Variants in MSH4 observed in about 807,000 individuals in gnomAD.
MSH4 encodes the protein mutS protein homolog 4.
MSH4 carries 106 observed loss-of-function variants against 113.7 expected under a neutral mutation model. That is an observed-to-expected ratio of 0.93 (90% CI 0.80 to 1.10). The LOEUF (loss-of-function observed/expected upper bound fraction) is 1.10. Among genes scored for constraint, MSH4 ranks in the 50% least tolerant of loss-of-function variants. MSH4 has a pLI of 0.00. For missense variants in MSH4, 1,061 were observed against 1,093.7 expected (o/e 0.97, Z 0.42); for synonymous variants, 368 against 380.2 (o/e 0.97, Z 0.37).
At chr1:75,836,426 G>T (rs1467035408) in intron 7 of MSH4, among the ~76,000 whole-genome samples, 2 of 151,076 alleles carry the variant, frequency 1.3e-5, no homozygotes, top group South Asian at 4.2e-4. Flanking sequence ...AGCCTCCCAA[G>T]TAGCTGATAC....
chr1:75,810,404 AT>A (rs1650165103), intron 3 of MSH4, among the ~76,000 whole-genome samples: 1 of 117,562 alleles, frequency 8.5e-6, no homozygotes. Flanking sequence ...TGCTCGGGTA[AT>A]TTTTGTATTT....
intron 4 of MSH4, 143 bp from the exon 5 acceptor site, chr1:75,814,878 A>G: frequency 1.6e-6 from 1 of 608,368 alleles, no homozygotes; most frequent in Non-Finnish European, 2.9e-6. Flanking sequence ...CTTTTTATAG[A>G]AATAACTAAG....
intron 15 of MSH4, among the ~76,000 whole-genome samples, chr1:75,884,668 G>C (rs1477596985): frequency 1.3e-5 from 2 of 151,844 alleles, no homozygotes; most frequent in South Asian, 2.1e-4. Context: ...AAGATTTATT[G>C]AGCCCAAGAT....
intron 15 of MSH4, among the ~76,000 whole-genome samples, chr1:75,887,560 T>C (rs576618436): frequency 7.9e-5 from 12 of 152,248 alleles, no homozygotes; most frequent in Non-Finnish European, 1.0e-4. Flanking sequence ...GGAAGTGTTA[T>C]CTGGTTAACA....
At chr1:75,856,839 TC>T (rs1651329725) in intron 8 of MSH4, among the ~76,000 whole-genome samples, 1 of 152,214 alleles carries the variant, frequency 6.6e-6, no homozygotes. Flanking sequence ...TATTTCCAGT[TC>T]TAGATCCTTG....
At chr1:75,875,123 A>T (rs1651791202) in intron 9 of MSH4, among the ~76,000 whole-genome samples, 1 of 152,118 alleles carries the variant, frequency 6.6e-6, no homozygotes. Context: ...CGAACTCCTG[A>T]GCTCAAGCAA....
chr1:75,859,215 T>C (rs1463712968), intron 8 of MSH4, among the ~76,000 whole-genome samples: 1 of 152,196 alleles, frequency 6.6e-6, no homozygotes, highest in Non-Finnish European at 1.5e-5. Flanking sequence ...AAAAACCAGC[T>C]CCTGGATTCA....
chr1:75,810,655 C>T (rs374539846), intron 3 of MSH4, 42 bp from the exon 4 acceptor site: 369 of 930,680 alleles, frequency 4.0e-4, no homozygotes, highest in Non-Finnish European at 5.5e-4. Flanking sequence ...ACTTTTATTT[C>T]CTAAGCTTTA....
At chr1:75,911,315 C>T (rs925586021) in intron 19 of MSH4, among the ~76,000 whole-genome samples, 6 of 152,130 alleles carry the variant, frequency 3.9e-5, no homozygotes, top group Non-Finnish European at 8.8e-5. Flanking sequence ...CATTGAATTA[C>T]TTGCCATTTC....
chr1:75,838,093 T>C, intron 7 of MSH4, among the ~76,000 whole-genome samples: 1 of 152,208 alleles, frequency 6.6e-6, no homozygotes, highest in East Asian at 1.9e-4. Context: ...ACAACACGAA[T>C]GTATTATCTC....
At position 75,867,603 on chromosome 1, in the gene MSH4, T is replaced by C; in HGVS notation, c.1305+15T>C. 1 of 1,481,528 alleles carries C rather than the reference T, an allele frequency of 6.7e-7. No individual in the cohort carries two copies. The highest frequency in any genetic ancestry group is 1.4e-5 in the African/African-American group (1 of 70,722). 91.8% of individuals were successfully genotyped at this position (1,481,528 alleles called of 1,614,324 possible). A position where few individuals can be genotyped will look rare whatever the true frequency, so the allele number is the denominator to read the frequency against. On this transcript the variant is annotated intron_variant, in intron 9 of 19. Coordinates refer to ENST00000263187, the MANE Select transcript of MSH4 (RefSeq NM_002440.4). ...ATCCTTTAAAGGTAATTTATGTGTG[T>C]GTATCGTACAAAACATGTCCAGCAT... is the stretch of plus-strand genomic sequence containing the variant.
chr1:75,803,300 C>A (rs1649978918), intron 1 of MSH4, among the ~76,000 whole-genome samples: 1 of 152,028 alleles, frequency 6.6e-6, no homozygotes, highest in Non-Finnish European at 1.5e-5. Flanking sequence ...TTTCAAAAAT[C>A]ATTTTCACAT....
At chr1:75,821,897 A>C (rs916396600) in intron 6 of MSH4, among the ~76,000 whole-genome samples, 7 of 152,184 alleles carry the variant, frequency 4.6e-5, no homozygotes, top group African/African-American at 1.7e-4. Context: ...AGGTGTGAGC[A>C]ACCGTGCGTG....
chr1:75,881,206 G>C (rs1216938455), intron 13 of MSH4, 40 bp from the exon 14 acceptor site: 1 of 1,491,792 alleles, frequency 6.7e-7, no homozygotes, highest in East Asian at 2.3e-5. Flanking sequence ...TGTCCCTTTT[G>C]AAAAAACATT....
At chr1:75,841,429 T>G (rs942870390) in intron 7 of MSH4, among the ~76,000 whole-genome samples, 1 of 152,046 alleles carries the variant, frequency 6.6e-6, no homozygotes. Context: ...AACTCCTGAC[T>G]TCAAGCAATC....
intron 8 of MSH4, among the ~76,000 whole-genome samples, chr1:75,860,276 T>C (rs1252593907): frequency 6.6e-6 from 1 of 152,180 alleles, no homozygotes; most frequent in Non-Finnish European, 1.5e-5. Flanking sequence ...AAGGTTAATA[T>C]TGTTATATCT....
At chr1:75,895,778 G>A (rs1275573230) in intron 17 of MSH4, among the ~76,000 whole-genome samples, 1 of 152,094 alleles carries the variant, frequency 6.6e-6, no homozygotes, top group African/African-American at 2.4e-5. Flanking sequence ...TCTGGAAAAG[G>A]GGTTAGTGCT....
At chr1:75,837,121 T>A (rs58125729) in intron 7 of MSH4, among the ~76,000 whole-genome samples, 4,499 of 152,230 alleles carry the variant, frequency 0.03, 71 homozygotes, top group African/African-American at 0.041. Flanking sequence ...GCCAGAGACC[T>A]CATGAATGGG....
At chr1:75,845,790 G>A (rs187237468) in intron 7 of MSH4, among the ~76,000 whole-genome samples, 1 of 152,104 alleles carries the variant, frequency 6.6e-6, no homozygotes, top group East Asian at 1.9e-4. Context: ...TGTGAATGAT[G>A]GCCTCTATCC....
Sources: allele counts gnomAD v4.1 joint callset (sites outside exome capture counted in the v4.1 genomes callset), GRCh38; gene constraint gnomAD v4.1.1; transcripts MANE v1.5; gene names NCBI Gene and HGNC (gene_info 2026-07-23, HGNC 2026-07-21).